COL11A1: variants seen among roughly 807,000 people sequenced by gnomAD.
COL11A1 encodes the protein collagen alpha-1(XI) chain.
COL11A1 carries 74 observed loss-of-function variants against 265.2 expected under a neutral mutation model. The ratio of observed to expected loss-of-function variants is 0.28; its 90% confidence interval spans 0.23 to 0.34. The LOEUF (loss-of-function observed/expected upper bound fraction) is 0.34. COL11A1 is among the 10% of genes least tolerant of loss of function. COL11A1 has a pLI of 1.00. For synonymous variants in COL11A1, 816 were observed against 727.6 expected (o/e 1.12, Z -1.96); for missense variants, 2,165 against 2,263.6 (o/e 0.96, Z 0.88).
chr1:102,962,571 G>T, intron 39 of COL11A1, 82 bp downstream of exon 39: 2 of 1,189,252 alleles, frequency 1.7e-6, no homozygotes, highest in Non-Finnish European at 2.5e-6. Flanking sequence ...TCATTTAAAT[G>T]GAATCTGTAG....
Position 102,877,899 on chromosome 1 carries a change from A to G in COL11A1, c.*120T>C, listed in dbSNP as rs1649687345. ...AAGGCATCGGTATTTCCTAAATGGT[A>G]CCTGTATATGCAGCGTTGTTTTCTA... On this transcript the variant is annotated 3_prime_UTR_variant, in exon 67 of 67. Transcript: ENST00000370096. The G allele has an allele frequency of 1.1e-6, 1 of 947,964 alleles. No individual in the cohort carries two copies. Among genetic ancestry groups the G allele is most frequent in the Non-Finnish European group, 1.7e-6 (1 of 587,022 alleles). 58.7% of individuals were successfully genotyped at this position (947,964 alleles called of 1,614,324 possible). A position where few individuals can be genotyped will look rare whatever the true frequency, so the allele number is the denominator to read the frequency against.
At chr1:103,003,352 G>T (rs1235045089) in intron 20 of COL11A1, 84 bp from the exon 21 acceptor site, 24 of 1,337,338 alleles carry the variant, frequency 1.8e-5, no homozygotes, top group Non-Finnish European at 2.4e-5. Context: ...AAATCCTAAG[G>T]TTATTTTTAG....
intron 1 of COL11A1, among the ~76,000 whole-genome samples, chr1:103,085,188 G>C (rs1013720179): frequency 4.6e-5 from 7 of 152,118 alleles, no homozygotes; most frequent in Non-Finnish European, 8.8e-5. Flanking sequence ...ATGTGCATTT[G>C]GATAATTATG....
At chr1:103,087,966 G>A (rs1003876016) in intron 1 of COL11A1, among the ~76,000 whole-genome samples, 20 of 152,046 alleles carry the variant, frequency 1.3e-4, no homozygotes, top group Non-Finnish European at 2.5e-4. Context: ...ATCTAGTGTC[G>A]AAATTAAATT....
chr1:102,888,185 C>A (rs892069061), intron 62 of COL11A1, among the ~76,000 whole-genome samples: 1 of 152,058 alleles, frequency 6.6e-6, no homozygotes, highest in African/African-American at 2.4e-5. Flanking sequence ...GTAGCTATTA[C>A]TATTGTTTTT....
At chr1:102,921,368 A>G (rs1655969480) in intron 48 of COL11A1, 150 bp downstream of exon 48, 3 of 600,606 alleles carry the variant, frequency 5.0e-6, no homozygotes, top group Non-Finnish European at 8.9e-6. Context: ...ATTGTATAAT[A>G]AAGTGGAGTG....
intron 14 of COL11A1, among the ~76,000 whole-genome samples, chr1:103,011,820 T>C (rs1452558659): frequency 4.6e-5 from 7 of 152,128 alleles, no homozygotes; most frequent in Admixed American, 4.6e-4. Flanking sequence ...TAGTATATTC[T>C]AGTGTATTTG....
intron 35 of COL11A1, among the ~76,000 whole-genome samples, chr1:102,976,924 C>A (rs949969485): frequency 1.3e-5 from 2 of 151,906 alleles, no homozygotes; most frequent in African/African-American, 4.8e-5. Context: ...TAACCAGCAT[C>A]CATGATCTGC....
chr1:103,002,989 T>G (rs1047327049), intron 21 of COL11A1, among the ~76,000 whole-genome samples, 198 bp from the exon 22 acceptor site: 4 of 152,166 alleles, frequency 2.6e-5, no homozygotes. Context: ...AGCAACATTT[T>G]CCTCTGCATG....
chr1:102,933,977 G>A (rs1657859965), intron 46 of COL11A1, among the ~76,000 whole-genome samples: 1 of 152,130 alleles, frequency 6.6e-6, no homozygotes, highest in Admixed American at 6.5e-5. Context: ...CCACTGACCT[G>A]CGCCCACTGT....
rs2102453221 is a variant in COL11A1 at position 103,108,126 on chromosome 1, G to A, written c.53C>T (p.Thr18Ile). Residue 18 changes from threonine to isoleucine, a missense_variant, in exon 1 of 67, where the codon ACC (threonine) becomes ATC (isoleucine). Thr to Ile is a moderately conservative substitution (Grantham distance 89, BLOSUM62 -1). Transcript: ENST00000370096. ...GAAGGTCAATGCGAGGGTTGTTACG[G>A]TGAAATCCCAGAGCCACCGTTTCGT... Reference protein sequence around the residue: ...WKTKRWLWDFTVTTLALTFLF... With the variant: ...WKTKRWLWDFIVTTLALTFLF... 6.2e-7 allele frequency: 1 copy of A among 1,613,732 alleles called. No homozygotes were observed. Among genetic ancestry groups the A allele is most frequent in the Middle Eastern group, 1.7e-4 (1 of 6,052 alleles).
intron 7 of COL11A1, among the ~76,000 whole-genome samples, chr1:103,024,180 T>C (rs12750176): frequency 0.079 from 12,014 of 152,070 alleles, 528 homozygotes; most frequent in Middle Eastern, 0.15. Flanking sequence ...AGGCTGGAGT[T>C]GAGTGGTACA....
At chr1:102,923,454 ATTTCTAAGAT>A in intron 46 of COL11A1, 65 bp from the exon 47 acceptor site, 1 of 1,225,026 alleles carries the variant, frequency 8.2e-7, no homozygotes, top group Non-Finnish European at 1.2e-6. Context: ...AGTTTGGTCA[ATTTCTAAGAT>A]AAAATCAAGT....
At chr1:103,047,228 C>T (rs1268265450) in intron 4 of COL11A1, among the ~76,000 whole-genome samples, 1 of 152,156 alleles carries the variant, frequency 6.6e-6, no homozygotes, top group African/African-American at 2.4e-5. Flanking sequence ...ATTGATTTTT[C>T]CTACCCATGA....
At chr1:103,058,351 G>C (rs1670397362) in intron 4 of COL11A1, among the ~76,000 whole-genome samples, 1 of 152,134 alleles carries the variant, frequency 6.6e-6, no homozygotes, top group African/African-American at 2.4e-5. Context: ...TCTTCTATTA[G>C]ACTACTCAAA....
chr1:103,068,490 T>G (rs945122418), intron 4 of COL11A1, among the ~76,000 whole-genome samples: 2 of 151,514 alleles, frequency 1.3e-5, no homozygotes, highest in African/African-American at 2.4e-5. Context: ...GCCAACATCA[T>G]ACTTAATGCT....
chr1:103,023,744 C>A (rs905025238), intron 7 of COL11A1, among the ~76,000 whole-genome samples: 1 of 151,954 alleles, frequency 6.6e-6, no homozygotes. Flanking sequence ...AGTCTCATCC[C>A]ATAAATAAAA....
intron 24 of COL11A1, chr1:103,001,256 T>C (rs987867940): frequency 7.6e-6 from 3 of 397,298 alleles, no homozygotes; most frequent in African/African-American, 6.2e-5. Flanking sequence ...GGAATATTTA[T>C]AGTATTTAAA....
chr1:103,079,143 G>T (rs1672206901), intron 2 of COL11A1, among the ~76,000 whole-genome samples: 3 of 152,078 alleles, frequency 2.0e-5, no homozygotes, highest in Admixed American at 6.6e-5. Context: ...ACAGGATTAT[G>T]ATACCAGTAA....
Sources: allele counts gnomAD v4.1 joint callset (sites outside exome capture counted in the v4.1 genomes callset), GRCh38; gene constraint gnomAD v4.1.1; transcripts MANE v1.5; gene names NCBI Gene and HGNC (gene_info 2026-07-23, HGNC 2026-07-21).